Variants in STAP1 observed in about 807,000 individuals in gnomAD.
STAP1 encodes the protein signal-transducing adaptor protein 1.
A neutral mutation model predicts 37.8 loss-of-function variants in STAP1; 30 were observed. The ratio of observed to expected loss-of-function variants is 0.79; its 90% CI spans 0.59 to 1.08. The LOEUF (loss-of-function observed/expected upper bound fraction) is 1.08, where lower values mean the gene tolerates loss of function less well. Among genes scored for constraint, STAP1 ranks in the 50% least tolerant of loss-of-function variants. The pLI, the probability that STAP1 is intolerant of heterozygous loss-of-function variation, is 0.00. For synonymous variants in STAP1, 130 were observed against 116.0 expected, an observed-to-expected ratio of 1.12 and a Z score of -0.78; for missense variants, 357 against 349.4, an observed-to-expected ratio of 1.02 and a Z score of -0.17.
At chr4:67,583,526 C>CT in intron 5 of STAP1, 48 bp from the exon 6 acceptor site, 1 of 1,533,050 alleles carries the variant, frequency 6.5e-7, no homozygotes, top group South Asian at 1.2e-5. Context: ...AAGTAATGAT[C>CT]TTCATCAGTT....
chr4:67,562,297 G>C lies in STAP1; in HGVS notation c.120+3368G>C, dbSNP rs550877969. ...GCGGAGGTTGCAGTGAGTCAAGATC[G>C]TGCCACTGCACTCCAGCCTGGGTGA... On this transcript the variant is annotated intron_variant, in intron 1 of 8. Transcript: ENST00000265404. Among the ~76,000 whole-genome samples the C allele has an allele frequency of 5.0e-3, 759 of 151,668 alleles. 2 individuals carry two copies. Among genetic ancestry groups the C allele is most frequent in the Non-Finnish European group, 8.0e-3 (543 of 67,876 alleles).
At chr4:67,606,205 C>A in intron 8 of STAP1, 91 bp from the exon 9 acceptor site, 3 of 1,003,098 alleles carry the variant, frequency 3.0e-6, no homozygotes, top group Non-Finnish European at 4.5e-6. Flanking sequence ...GTTCCACACA[C>A]GAGCAGGAAA....
In STAP1 at chr4:67,583,690, G is replaced by A. The variant is rs944572974; in HGVS notation, c.647G>A (p.Arg216Gln). Residue 216 changes from arginine to glutamine, a missense_variant, in exon 6 of 9, where the codon CGG becomes CAG. By Grantham distance (43) the Arg-to-Gln change is conservative. Transcript: ENST00000265404. ...AGTAGAAACTACTCCATCACTATTC[G>A]GCAGGAGATAGAGTATGTTTATTTT... ...SDSRNYSITI[R>Q]QEIDIPRIKH... 22 of 1,611,330 alleles carry A rather than the reference G, an allele frequency of 1.4e-5. No individual in the cohort carries two copies. The highest frequency in any genetic ancestry group is 2.2e-5 in the East Asian group (1 of 44,850).
chr4:67,589,447 C>T (rs1728074566), intron 6 of STAP1, among the ~76,000 whole-genome samples: 1 of 152,040 alleles, frequency 6.6e-6, no homozygotes, highest in Non-Finnish European at 1.5e-5. Context: ...TGAGAAGAGT[C>T]CCCTGAATAG....
At chr4:67,568,967 C>T (rs1727537555) in intron 1 of STAP1, among the ~76,000 whole-genome samples, 1 of 152,160 alleles carries the variant, frequency 6.6e-6, no homozygotes, top group South Asian at 2.1e-4. Flanking sequence ...AATCAAATTA[C>T]AGTGATGAGT....
At chr4:67,577,015 T>G (rs1158033540) in intron 3 of STAP1, among the ~76,000 whole-genome samples, 188 bp from the exon 4 acceptor site, 1 of 152,250 alleles carries the variant, frequency 6.6e-6, no homozygotes, top group Non-Finnish European at 1.5e-5. Context: ...AGCAAACAGA[T>G]TACAGCTGTA....
At chr4:67,595,755 T>G (rs757041852) in intron 8 of STAP1, among the ~76,000 whole-genome samples, 107 of 152,220 alleles carry the variant, frequency 7.0e-4, no homozygotes, top group Non-Finnish European at 1.4e-3. Context: ...TAGTCTAGTT[T>G]CTTTGCCTTT....
At chr4:67,603,719 C>T (rs1728392871) in intron 8 of STAP1, among the ~76,000 whole-genome samples, 1 of 152,092 alleles carries the variant, frequency 6.6e-6, no homozygotes, top group Non-Finnish European at 1.5e-5. Flanking sequence ...GCCTGATGCC[C>T]TGTTCTACTG....
intron 1 of STAP1, among the ~76,000 whole-genome samples, chr4:67,564,237 G>A (rs977922175): frequency 1.3e-5 from 2 of 152,086 alleles, no homozygotes; most frequent in African/African-American, 4.8e-5. Context: ...TTTTCCTCCA[G>A]GGCTGCCTTT....
intron 1 of STAP1, among the ~76,000 whole-genome samples, chr4:67,560,910 A>G (rs565981723): frequency 2.7e-5 from 4 of 148,350 alleles, no homozygotes; most frequent in African/African-American, 4.8e-5. Flanking sequence ...TGGCCTCCCA[A>G]TGTGCTAGAA....
chr4:67,587,979 C>G (rs1728024670), intron 6 of STAP1, among the ~76,000 whole-genome samples: 1 of 144,494 alleles, frequency 6.9e-6, no homozygotes, highest in Admixed American at 7.2e-5. Context: ...CCATCTCGGC[C>G]TCCCAAAGTG....
chr4:67,566,612 A>G (rs1005219981), intron 1 of STAP1, among the ~76,000 whole-genome samples: 2 of 152,140 alleles, frequency 1.3e-5, no homozygotes, highest in African/African-American at 4.8e-5. Flanking sequence ...AAACACACCT[A>G]TTAGATACTC....
chr4:67,588,778 T>C (rs1728056601), intron 6 of STAP1, among the ~76,000 whole-genome samples: 2 of 152,230 alleles, frequency 1.3e-5, no homozygotes, highest in South Asian at 2.1e-4. Context: ...GGGTGCTATG[T>C]TGAGTACTGG....
chr4:67,576,432 A>G (rs1727722061), intron 3 of STAP1, among the ~76,000 whole-genome samples: 1 of 152,224 alleles, frequency 6.6e-6, no homozygotes, highest in Non-Finnish European at 1.5e-5. Context: ...GGTACTTAGT[A>G]AATATCTGTT....
At chr4:67,584,003 C>A (rs1047479454) in intron 6 of STAP1, among the ~76,000 whole-genome samples, 1 of 146,474 alleles carries the variant, frequency 6.8e-6, no homozygotes, top group South Asian at 2.2e-4. Flanking sequence ...GAGGCTGAGG[C>A]GGGGGAATTG....
chr4:67,574,111 AAT>A (rs1020952304), intron 2 of STAP1, among the ~76,000 whole-genome samples: 1 of 151,992 alleles, frequency 6.6e-6, no homozygotes, highest in Non-Finnish European at 1.5e-5. Context: ...AAAAAGTATG[AAT>A]ATATATATAC....
At position 67,607,043 on chromosome 4, in the gene STAP1, C is replaced by T. The variant is rs1464696248; in HGVS notation, c.*686C>T. On this transcript the variant is annotated 3_prime_UTR_variant, in exon 9 of 9. Transcript: ENST00000265404. ...GTTCTTAAAAATATGGAACCATCAG[C>T]CCCAGACTGCATCTACTGAATCAAA... 1 of 152,150 alleles carries T rather than the reference C, an allele frequency of 6.6e-6. No homozygotes were observed. The highest frequency in any genetic ancestry group is 1.5e-5 in the Non-Finnish European group (1 of 68,012). 9.4% of individuals were successfully genotyped at this position (152,150 alleles called of 1,614,324 possible).
intron 7 of STAP1, among the ~76,000 whole-genome samples, chr4:67,591,420 T>G (rs189650528): frequency 3.3e-5 from 5 of 152,336 alleles, no homozygotes; most frequent in Admixed American, 3.3e-4. Context: ...ATGATATAGC[T>G]AAGCACTTGA....
rs899113680 is a variant in STAP1, at chr4:67,606,400, T to C, written c.*43T>C. 3.2e-6 allele frequency: 5 copies of C among 1,548,478 alleles called. No homozygotes were observed. The African/African-American group carries it at 6.9e-5, about 21-fold the overall frequency. On this transcript the variant is annotated 3_prime_UTR_variant, in exon 9 of 9. Transcript: ENST00000265404. The stretch of plus-strand genomic sequence containing the variant: ...CCTTTGTATATCTTGGTAATTTATA[T>C]TTTCAAAACGAAGTTCTTACTTTTA...
Sources: gnomAD v4.1 joint callset for allele counts (sites outside exome capture counted in the v4.1 genomes callset) on GRCh38, gnomAD v4.1.1 for gene constraint, MANE v1.5 for transcripts, NCBI Gene and HGNC (gene_info 2026-07-23, HGNC 2026-07-21) for gene names.